Variants in COQ8B observed in about 807,000 individuals in gnomAD.
COQ8B encodes the protein coenzyme Q8B.
COQ8B carries 44 observed loss-of-function variants against 62.0 expected under a neutral mutation model. That is an observed-to-expected ratio of 0.71 (90% CI 0.56 to 0.91). COQ8B has a LOEUF of 0.91. Ranked by LOEUF, COQ8B falls within the 40% of genes least tolerant of loss-of-function variation. COQ8B has a pLI of 0.00. For synonymous variants in COQ8B, 252 were observed against 289.9 expected, an observed-to-expected ratio of 0.87 and a Z score of 1.33; for missense variants, 649 against 731.6, an observed-to-expected ratio of 0.89 and a Z score of 1.30.
chr19:40,699,944 G>A, intron 12 of COQ8B, 123 bp downstream of exon 12: 1 of 893,708 alleles, frequency 1.1e-6, no homozygotes, highest in Non-Finnish European at 1.7e-6. Flanking sequence ...AATCCCACTT[G>A]GAAAAGGGCC....
chr19:40,691,806 T>G lies in COQ8B; in HGVS notation c.*229A>C, dbSNP rs2081974007. 7.1e-6 allele frequency: 3 copies of G among 424,428 alleles called. No individual in the cohort carries two copies. Among genetic ancestry groups the G allele is most frequent in the Non-Finnish European group, 1.3e-5 (3 of 239,984 alleles). 26.3% of individuals were successfully genotyped at this position (424,428 alleles called of 1,614,324 possible). A position where few individuals can be genotyped will look rare whatever the true frequency, so the allele number is the denominator to read the frequency against. ...GGCAAAGATAAGTTAACCGCTTCCC[T>G]GGCTTAGTTTTCGGATACCCACTTT... On this transcript the variant is annotated 3_prime_UTR_variant, in exon 15 of 15. Transcript: ENST00000324464.
chr19:40,694,176 C>T (rs1171534717), intron 13 of COQ8B, among the ~76,000 whole-genome samples: 1 of 152,152 alleles, frequency 6.6e-6, no homozygotes, highest in Non-Finnish European at 1.5e-5. Context: ...GGTGGCCCCA[C>T]CAGTCCCCAG....
At chr19:40,711,146 A>G (rs969812510) in intron 4 of COQ8B, among the ~76,000 whole-genome samples, 2 of 151,408 alleles carry the variant, frequency 1.3e-5, no homozygotes, top group South Asian at 2.1e-4. Context: ...AAAAAAAAAA[A>G]AAGAAGGCCC....
At chr19:40,715,112 C>T (rs1178696508) in intron 1 of COQ8B, 3 of 986,904 alleles carry the variant, frequency 3.0e-6, no homozygotes, top group African/African-American at 3.5e-5. Context: ...TTCCGGGAGC[C>T]TCTGTATGCC....
intron 7 of COQ8B, 182 bp downstream of exon 7, chr19:40,704,914 G>C: frequency 1.7e-6 from 1 of 595,606 alleles, no homozygotes; most frequent in South Asian, 2.2e-5. Context: ...AGGTCAGGCT[G>C]CTGTTCCCTG....
Position 40,692,205 on chromosome 19 carries a change from G to A in COQ8B, c.1465C>T (p.His489Tyr), listed in dbSNP as rs139063940. The A allele has an allele frequency of 3.7e-6, 6 of 1,601,924 alleles. No homozygotes were observed. In the East Asian group the frequency reaches 9.1e-5, roughly 24 times the overall value. The change falls in exon 15 of 15, where the codon CAC becomes TAC. Residue 489 changes from histidine to tyrosine, a missense_variant. Transcript: ENST00000324464. ...CPPPEETYAL[H>Y]RKLAGAFLAC... ...AGGAAAGCCCCTGCCAGCTTGCGGTGCAGGGCATAGGTCTCCTCGGGTGGG... is the reference window on the plus strand; with the variant it reads ...AGGAAAGCCCCTGCCAGCTTGCGGTACAGGGCATAGGTCTCCTCGGGTGGG...
At chr19:40,702,797 G>T (rs2082070781) in intron 9 of COQ8B, 104 bp from the exon 10 acceptor site, 2 of 1,032,818 alleles carry the variant, frequency 1.9e-6, no homozygotes, top group African/African-American at 1.7e-5. Context: ...GTCCCTCACA[G>T]CTCCTACTCT....
intron 1 of COQ8B, chr19:40,715,643 C>T: frequency 2.0e-6 from 2 of 979,834 alleles, no homozygotes; most frequent in Non-Finnish European, 1.2e-6. Flanking sequence ...ACATACCCTC[C>T]CCCCCACTTG....
chr19:40,697,847 TATATAGAGAG>T (rs1377823833), intron 12 of COQ8B, among the ~76,000 whole-genome samples: 2 of 56,894 alleles, frequency 3.5e-5, no homozygotes, highest in Non-Finnish European at 6.6e-5. Context: ...TATATATATA[TATATAGAGAG>T]AGAGAGAGAG....
chr19:40,703,947 A>T, intron 7 of COQ8B, 92 bp from the exon 8 acceptor site: 1 of 1,441,488 alleles, frequency 6.9e-7, no homozygotes, highest in Non-Finnish European at 9.3e-7. Context: ...CACTCACCAC[A>T]TGCAGGGCCC....
At chr19:40,692,647 C>G (rs1475558773) in intron 14 of COQ8B, among the ~76,000 whole-genome samples, 1 of 152,062 alleles carries the variant, frequency 6.6e-6, no homozygotes, top group Non-Finnish European at 1.5e-5. Flanking sequence ...CGGCCTTCGC[C>G]CCTCCTGAAC....
chr19:40,695,094 G>C (rs1352485748), intron 13 of COQ8B, among the ~76,000 whole-genome samples: 1 of 152,150 alleles, frequency 6.6e-6, no homozygotes, highest in African/African-American at 2.4e-5. Context: ...AAGGCAGGAG[G>C]ATCACCTGAG....
chr19:40,695,173 C>T (rs2082004224), intron 13 of COQ8B, among the ~76,000 whole-genome samples: 1 of 151,934 alleles, frequency 6.6e-6, no homozygotes, highest in South Asian at 2.1e-4. Flanking sequence ...CAAAAATTAG[C>T]CGGGCGTGGT....
At chr19:40,715,876 C>T in intron 1 of COQ8B, 1 of 150,716 alleles carries the variant, frequency 6.6e-6, no homozygotes, top group Non-Finnish European at 1.5e-5. Context: ...TGTGTGCGCG[C>T]GCGCGTTGGA....
At chr19:40,698,646 G>A (rs2082037837) in intron 12 of COQ8B, among the ~76,000 whole-genome samples, 1 of 152,158 alleles carries the variant, frequency 6.6e-6, no homozygotes, top group Non-Finnish European at 1.5e-5. Context: ...AGGGGACACA[G>A]GGTGTATGCA....
intron 12 of COQ8B, among the ~76,000 whole-genome samples, chr19:40,697,841 T>TAGAGAGAGAG (rs1317449334): frequency 4.3e-5 from 2 of 46,928 alleles, no homozygotes; most frequent in African/African-American, 2.1e-4. Flanking sequence ...TATATATATA[T>TAGAGAGAGAG]ATATATATAT....
intron 5 of COQ8B, among the ~76,000 whole-genome samples, chr19:40,709,329 T>C (rs1202173099): frequency 1.3e-5 from 2 of 152,232 alleles, no homozygotes; most frequent in Non-Finnish European, 2.9e-5. Flanking sequence ...GTCTCTTTCA[T>C]CTGTTTTTAA....
Position 40,692,276 on chromosome 19 carries a change from C to T in COQ8B, c.1394G>A (p.Arg465His), listed in dbSNP as rs375940942. The change falls in exon 15 of 15, where the codon CGC (arginine) becomes CAC (histidine). Residue 465 changes from arginine (R) to histidine (H), a missense_variant. Transcript: ENST00000324464. ...CAGCACCGGGATGAGGTCCTGTATG[C>T]GGCGGGCCGTTTCCCCCGACCCAAA... Reference protein sequence around the residue: ...YDFGSGETARRIQDLIPVLLR... With the variant: ...YDFGSGETARHIQDLIPVLLR... 8 of 1,613,212 alleles carry T rather than the reference C, an allele frequency of 5.0e-6. No homozygotes were observed. Among genetic ancestry groups the T allele is most frequent in the Admixed American group, 3.3e-5 (2 of 59,960 alleles).
intron 12 of COQ8B, 83 bp from the exon 13 acceptor site, chr19:40,696,137 C>T (rs1813322258): frequency 2.7e-5 from 39 of 1,453,134 alleles, no homozygotes; most frequent in Non-Finnish European, 3.7e-5. Flanking sequence ...ATCTGTCTCC[C>T]TCCCCATGAC....
Sources: allele counts gnomAD v4.1 joint callset (sites outside exome capture counted in the v4.1 genomes callset), GRCh38; gene constraint gnomAD v4.1.1; transcripts MANE v1.5; gene names NCBI Gene and HGNC (gene_info 2026-07-23, HGNC 2026-07-21).